The following RECQL variants were observed in gnomAD, a reference collection of about 807,000 sequenced individuals.
RECQL encodes the protein RecQ like helicase.
A neutral mutation model predicts 75.8 loss-of-function variants in RECQL; 73 were observed. The ratio of observed to expected loss-of-function variants is 0.96; its 90% confidence interval spans 0.80 to 1.17. The LOEUF (loss-of-function observed/expected upper bound fraction) is 1.17. RECQL is among the 50% of genes most tolerant of loss of function. The probability of loss-of-function intolerance (pLI) is 0.00; values close to 1 mark genes in which losing one functional copy is unlikely to be tolerated. For missense variants in RECQL, 699 were observed against 772.1 expected, an observed-to-expected ratio of 0.91 and a Z score of 1.12; for synonymous variants, 248 against 254.4, an observed-to-expected ratio of 0.97 and a Z score of 0.24.
At chr12:21,488,114 G>GTC (rs1943340268) in intron 4 of RECQL, among the ~76,000 whole-genome samples, 1 of 151,926 alleles carries the variant, frequency 6.6e-6, no homozygotes. Context: ...TTGCTATTTG[G>GTC]TCTCCACCCA....
intron 12 of RECQL, among the ~76,000 whole-genome samples, 158 bp from the exon 13 acceptor site, chr12:21,471,805 C>T (rs1942973898): frequency 9.0e-6 from 1 of 111,548 alleles, no homozygotes; most frequent in Admixed American, 8.8e-5. Flanking sequence ...CTAGGCTATT[C>T]CTCAAGTCTC....
In RECQL at chr12:21,474,952, A is replaced by G. The variant is rs1482337879; in HGVS notation, c.1244T>C (p.Ile415Thr). ...AGRDDMKADC[I>T]LYYGFGDIFR... is the part of the protein sequence containing the mutation. The stretch of plus-strand genomic sequence containing the variant: ...TATATCTCCAAAGCCGTAGTACAAA[A>G]TACAGTCTGCTTTCATGTCATCTCG... The change falls in exon 11 of 15, where the codon ATT (isoleucine) becomes ACT (threonine). Residue 415 changes from isoleucine to threonine, a missense_variant. Physicochemically the swap from Ile to Thr is moderately conservative, Grantham distance 89. Transcript: ENST00000444129. 6.2e-7 allele frequency: 1 copy of G among 1,613,018 alleles called. No individual in the cohort carries two copies. The highest frequency in any genetic ancestry group is 2.2e-5 in the East Asian group (1 of 44,856).
intron 3 of RECQL, among the ~76,000 whole-genome samples, chr12:21,490,887 T>C (rs1286094466): frequency 6.6e-6 from 1 of 152,124 alleles, no homozygotes; most frequent in Non-Finnish European, 1.5e-5. Context: ...TGTAAACATT[T>C]GCCAGTTGAG....
rs1943618365 is a variant in RECQL, at chr12:21,501,516, T to TGTGTCCGACTCTCCG, written c.-407_-393dup. ...TTGACTGTCCGGTGTCCGACTGTCC[T>TGTGTCCGACTCTCCG]GTGTCCGACTCTCCGATCTCCGACT... On this transcript the variant is annotated 5_prime_UTR_variant, in exon 1 of 15. Coordinates refer to ENST00000444129, the MANE Select transcript of RECQL (RefSeq NM_002907.4). 1 of 209,780 alleles carries TGTGTCCGACTCTCCG rather than the reference T, an allele frequency of 4.8e-6. No homozygotes were observed. Among genetic ancestry groups the TGTGTCCGACTCTCCG allele is most frequent in the Non-Finnish European group, 9.8e-6 (1 of 101,972 alleles). The allele number at this position is 209,780 out of a possible 1,614,324, so 13.0% of individuals were successfully genotyped here. A position where few individuals can be genotyped will look rare whatever the true frequency, so the allele number is the denominator to read the frequency against.
intron 14 of RECQL, 38 bp downstream of exon 14, chr12:21,470,931 T>C (rs1942935356): frequency 2.9e-6 from 4 of 1,376,622 alleles, no homozygotes; most frequent in South Asian, 1.8e-5. Flanking sequence ...TAATATACTT[T>C]TTAAAATATA....
At chr12:21,495,432 TA>T (rs1369712253) in intron 2 of RECQL, among the ~76,000 whole-genome samples, 3 of 151,980 alleles carry the variant, frequency 2.0e-5, no homozygotes, top group African/African-American at 7.2e-5. Flanking sequence ...CCGTCTCTAC[TA>T]AAAATACAAA....
At position 21,471,412 on chromosome 12, in the gene RECQL, A is replaced by G. The variant is rs1161233094; in HGVS notation, c.1667+16T>C. On this transcript the variant is annotated intron_variant, in intron 13 of 14. Transcript: ENST00000444129. ...TAAAGACAACCTGAAAGAATAATGA[A>G]TGAGTTTGTACATACTTAAGATACT... 1 of 1,585,786 alleles carries G rather than the reference A, an allele frequency of 6.3e-7. No homozygotes were observed. Among genetic ancestry groups the G allele is most frequent in the Non-Finnish European group, 8.6e-7 (1 of 1,162,844 alleles).
Position 21,491,723 on chromosome 12 carries a change from G to A in RECQL, c.17-7C>T, listed in dbSNP as rs550227140. On this transcript the variant is annotated splice_region_variant and splice_polypyrimidine_tract_variant and intron_variant, in intron 2 of 14. Transcript: ENST00000444129. ...TCCAGTTCCTCAGTTAGAGCTATGG[G>A]AGGCAGCGCGGATACAATGATTAGA... 9 of 1,604,066 alleles carry A rather than the reference G, an allele frequency of 5.6e-6. No individual in the cohort carries two copies. In the African/African-American group the frequency reaches 9.4e-5, roughly 17 times the overall value.
intron 2 of RECQL, among the ~76,000 whole-genome samples, chr12:21,494,036 T>C (rs755926187): frequency 1.3e-5 from 2 of 152,176 alleles, no homozygotes; most frequent in African/African-American, 4.8e-5. Context: ...ACAAGGAGCA[T>C]AGCGCTGGCA....
intron 4 of RECQL, among the ~76,000 whole-genome samples, chr12:21,487,082 C>A (rs184100958): frequency 8.3e-6 from 1 of 119,922 alleles, no homozygotes; most frequent in African/African-American, 3.2e-5. Flanking sequence ...AATAAATGAC[C>A]AAACAAGGTA....
chr12:21,471,369 A>AT (rs989797283), intron 13 of RECQL, 59 bp downstream of exon 13: 142 of 1,451,334 alleles, frequency 9.8e-5, no homozygotes, highest in Admixed American at 1.3e-4. Flanking sequence ...TTCTGTTGCA[A>AT]TTTTTAAAAA....
chr12:21,473,664 C>T (rs1386024493), intron 11 of RECQL, 22 bp from the exon 12 acceptor site: 5 of 1,593,154 alleles, frequency 3.1e-6, no homozygotes, highest in Admixed American at 1.7e-5. Context: ...TTTAAAGATA[C>T]AAATTATTAA....
chr12:21,476,817 G>A, intron 8 of RECQL, 94 bp downstream of exon 8: 1 of 613,514 alleles, frequency 1.6e-6, no homozygotes. Context: ...ATTTTTTTTG[G>A]TGTTATTCAG....
intron 7 of RECQL, among the ~76,000 whole-genome samples, chr12:21,477,224 T>C (rs1314289178): frequency 6.6e-6 from 1 of 152,174 alleles, no homozygotes; most frequent in Non-Finnish European, 1.5e-5. Context: ...GAGCAGTGAA[T>C]AACTTGCAAG....
At chr12:21,499,488 T>G (rs2136785397) in intron 2 of RECQL, 67 bp downstream of exon 2, 1 of 1,400,980 alleles carries the variant, frequency 7.1e-7, no homozygotes, top group South Asian at 1.3e-5. Flanking sequence ...TAAAACAAAC[T>G]TTTTCAAATA....
At chr12:21,474,760 T>G in intron 11 of RECQL, 81 bp downstream of exon 11, 1 of 1,366,462 alleles carries the variant, frequency 7.3e-7, no homozygotes, top group Non-Finnish European at 1.0e-6. Context: ...ACCAATGTAT[T>G]TAGTAAGAAC....
At chr12:21,487,259 G>C (rs1433170282) in intron 4 of RECQL, among the ~76,000 whole-genome samples, 2 of 151,874 alleles carry the variant, frequency 1.3e-5, no homozygotes, top group Non-Finnish European at 2.9e-5. Flanking sequence ...GTTTCATCAG[G>C]GAAAAATCAC....
chr12:21,470,735 C>T, intron 14 of RECQL: 1 of 346,194 alleles, frequency 2.9e-6, no homozygotes. Context: ...CAAACGGAGT[C>T]CTCCCATTCC....
intron 2 of RECQL, among the ~76,000 whole-genome samples, chr12:21,493,170 T>C (rs964849134): frequency 3.9e-5 from 6 of 152,198 alleles, no homozygotes; most frequent in African/African-American, 1.2e-4. Context: ...CTGGGCCACA[T>C]AGAACTGGCT....
Sources: gnomAD v4.1 joint callset for allele counts (sites outside exome capture counted in the v4.1 genomes callset) on GRCh38, gnomAD v4.1.1 for gene constraint, MANE v1.5 for transcripts, NCBI Gene and HGNC (gene_info 2026-07-23, HGNC 2026-07-21) for gene names.